The following DGKB variants were observed in gnomAD, a reference collection of about 807,000 sequenced individuals.
DGKB encodes 90 kDa diacylglycerol kinase.
DGKB carries 67 observed loss-of-function variants against 114.3 expected under a neutral mutation model. The observed-to-expected ratio is 0.59, with a 90% confidence interval of 0.48 to 0.72. DGKB has a LOEUF of 0.72. Among genes scored for constraint, DGKB ranks in the 30% least tolerant of loss-of-function variants. The pLI is 0.00. For missense variants in DGKB, 907 were observed against 975.2 expected (o/e 0.93, Z 0.93); for synonymous variants, 398 against 323.1 (o/e 1.23, Z -2.49).
At chr7:14,520,129 A>G (rs1789508955) in intron 20 of DGKB, among the ~76,000 whole-genome samples, 1 of 151,496 alleles carries the variant, frequency 6.6e-6, no homozygotes, top group South Asian at 2.1e-4. Context: ...ACCCAAAGAC[A>G]CAAAAGATTT....
At chr7:14,673,770 T>C (rs919730952) in intron 12 of DGKB, among the ~76,000 whole-genome samples, 15 of 152,088 alleles carry the variant, frequency 9.9e-5, no homozygotes, top group African/African-American at 3.4e-4. Context: ...GGTAGTTTTT[T>C]AAAGAATTAC....
intron 21 of DGKB, among the ~76,000 whole-genome samples, chr7:14,465,506 A>C (rs1833703471): frequency 6.6e-6 from 1 of 152,186 alleles, no homozygotes; most frequent in African/African-American, 2.4e-5. Flanking sequence ...AAGATGATCA[A>C]TCATAATTGC....
At chr7:14,721,866 C>G (rs1039765924) in intron 5 of DGKB, among the ~76,000 whole-genome samples, 1 of 151,848 alleles carries the variant, frequency 6.6e-6, no homozygotes, top group African/African-American at 2.4e-5. Flanking sequence ...TAAAACTATT[C>G]TTTTTTAAAA....
At chr7:14,241,664 T>C (rs1346730137) in intron 23 of DGKB, among the ~76,000 whole-genome samples, 1 of 152,010 alleles carries the variant, frequency 6.6e-6, no homozygotes, top group East Asian at 1.9e-4. Flanking sequence ...AATGAACAAG[T>C]AAAATTTATT....
intron 19 of DGKB, among the ~76,000 whole-genome samples, chr7:14,578,633 G>A (rs1799507211): frequency 6.6e-6 from 1 of 152,096 alleles, no homozygotes; most frequent in South Asian, 2.1e-4. Context: ...TTGGCTACTT[G>A]CCTGATTTAA....
rs1350763608 is a variant in DGKB, at chr7:14,499,048, A to G, written c.1771-20823T>C. On this transcript the variant is annotated intron_variant, in intron 20 of 25. Coordinates refer to ENST00000402815, the MANE Select transcript of DGKB (RefSeq NM_001350709.2). Reference sequence around the variant, plus strand: ...ATTAAAAATTCTTGAACAGAGGTAGAGAAAAGGTGTTTCTTAGAGATGGGC... The same window carrying G: ...ATTAAAAATTCTTGAACAGAGGTAGGGAAAAGGTGTTTCTTAGAGATGGGC... 2.0e-5 allele frequency among the ~76,000 whole-genome samples: 3 copies of G among 151,748 alleles called. No homozygotes were observed. The East Asian group carries it at 5.8e-4, about 29-fold the overall frequency.
At chr7:14,231,659 T>C (rs539903667) in intron 23 of DGKB, among the ~76,000 whole-genome samples, 24 of 151,986 alleles carry the variant, frequency 1.6e-4, no homozygotes, top group African/African-American at 5.5e-4. Flanking sequence ...TATTTATATA[T>C]AGTCTTTTGG....
Position 14,802,158 on chromosome 7 carries a change from T to A in DGKB, c.70+39036A>T, listed in dbSNP as rs1178158344. 3.3e-5 allele frequency among the ~76,000 whole-genome samples: 5 copies of A among 152,276 alleles called. No homozygotes were observed. In the South Asian group the frequency reaches 1.0e-3, roughly 32 times the overall value. On this transcript the variant is annotated intron_variant, in intron 2 of 25. Transcript: ENST00000402815. ...TTAAGAGTGGGCTTACTTTAACTTT[T>A]ATTACAAACTATAAAGATAATTTTA...
At chr7:14,947,835 A>C (rs971517529) in intron 1 of DGKB, among the ~76,000 whole-genome samples, 1 of 151,710 alleles carries the variant, frequency 6.6e-6, no homozygotes, top group Non-Finnish European at 1.5e-5. Context: ...TTCGTCTACT[A>C]CTTTCATTGC....
chr7:14,873,071 G>A (rs1852723125), intron 1 of DGKB, among the ~76,000 whole-genome samples: 1 of 152,056 alleles, frequency 6.6e-6, no homozygotes, highest in Non-Finnish European at 1.5e-5. Flanking sequence ...ATTGACTTAG[G>A]TAATGGGAAA....
chr7:14,252,585 G>T (rs1472533161), intron 23 of DGKB, among the ~76,000 whole-genome samples: 1 of 152,140 alleles, frequency 6.6e-6, no homozygotes, highest in African/African-American at 2.4e-5. Context: ...AACATTGCTG[G>T]CACCTGGGCC....
At chr7:14,812,441 A>C (rs1266602630) in intron 2 of DGKB, among the ~76,000 whole-genome samples, 1 of 152,044 alleles carries the variant, frequency 6.6e-6, no homozygotes, top group Non-Finnish European at 1.5e-5. Flanking sequence ...CCTTCTTCCT[A>C]ATAGAACAGA....
intron 21 of DGKB, among the ~76,000 whole-genome samples, chr7:14,368,711 A>C (rs1022417901): frequency 2.0e-5 from 3 of 152,064 alleles, no homozygotes; most frequent in African/African-American, 7.2e-5. Flanking sequence ...AAAAAAAGCT[A>C]AGTGCAAAGA....
intron 13 of DGKB, among the ~76,000 whole-genome samples, chr7:14,643,758 T>C (rs1029941424): frequency 9.2e-5 from 14 of 152,142 alleles, no homozygotes; most frequent in African/African-American, 3.1e-4. Flanking sequence ...CCACCACATG[T>C]CCATGTGCAA....
chr7:14,929,915 G>T (rs1221865179), intron 1 of DGKB, among the ~76,000 whole-genome samples: 1 of 151,988 alleles, frequency 6.6e-6, no homozygotes, highest in African/African-American at 2.4e-5. Flanking sequence ...GAGAGATAGG[G>T]GTTCAGTTTC....
intron 13 of DGKB, among the ~76,000 whole-genome samples, chr7:14,653,486 C>T (rs1436670896): frequency 2.0e-5 from 3 of 151,366 alleles, no homozygotes; most frequent in Non-Finnish European, 4.4e-5. Flanking sequence ...AGGAGAATAT[C>T]ACACTCTGGG....
intron 23 of DGKB, among the ~76,000 whole-genome samples, chr7:14,291,726 C>T (rs1319097687): frequency 6.6e-6 from 1 of 152,078 alleles, no homozygotes; most frequent in African/African-American, 2.4e-5. Flanking sequence ...TAGATTTTTA[C>T]AGTGAATACC....
intron 23 of DGKB, among the ~76,000 whole-genome samples, chr7:14,214,440 G>T (rs192654905): frequency 4.6e-5 from 7 of 152,148 alleles, no homozygotes; most frequent in African/African-American, 1.4e-4. Flanking sequence ...GAAAAAATCT[G>T]CTTTGGTTGT....
chr7:14,378,768 AG>A (rs747016987), intron 21 of DGKB, among the ~76,000 whole-genome samples: 1 of 152,172 alleles, frequency 6.6e-6, no homozygotes, highest in Non-Finnish European at 1.5e-5. Context: ...ATGTGCAGAA[AG>A]TCCCTTATTT....
Sources: gnomAD v4.1 joint callset for allele counts (sites outside exome capture counted in the v4.1 genomes callset) on GRCh38, gnomAD v4.1.1 for gene constraint, MANE v1.5 for transcripts, NCBI Gene and HGNC (gene_info 2026-07-23, HGNC 2026-07-21) for gene names.